Variants in CAMTA1 observed in about 807,000 individuals in gnomAD.
The protein encoded by CAMTA1 is calmodulin binding transcription activator 1, also known as calmodulin-binding transcription activator 1.
In CAMTA1, 27 loss-of-function variants were observed where a neutral mutation model predicts 170.9. That is an observed-to-expected ratio of 0.16 (90% CI 0.12 to 0.22). The LOEUF (loss-of-function observed/expected upper bound fraction) is 0.22, where lower values mean the gene tolerates loss of function less well. Ranked by LOEUF, CAMTA1 falls within the 10% of genes least tolerant of loss-of-function variation. CAMTA1 has a pLI of 1.00. For missense variants in CAMTA1, 1,619 were observed against 2,217.2 expected (o/e 0.73, Z 5.42); for synonymous variants, 833 against 891.5 (o/e 0.93, Z 1.17).
intron 11 of CAMTA1, among the ~76,000 whole-genome samples, chr1:7,706,665 G>A (rs1348229752): frequency 6.6e-6 from 1 of 152,200 alleles, no homozygotes. Flanking sequence ...TTTACTTACA[G>A]CGTATGCATT....
At chr1:6,954,010 G>C (rs1689002825) in intron 3 of CAMTA1, among the ~76,000 whole-genome samples, 1 of 152,168 alleles carries the variant, frequency 6.6e-6, no homozygotes, top group Admixed American at 6.5e-5. Flanking sequence ...GGGGAGGGAC[G>C]CTCAGGCCCC....
chr1:7,048,863 T>C (rs892007984), intron 3 of CAMTA1, among the ~76,000 whole-genome samples: 2 of 152,172 alleles, frequency 1.3e-5, no homozygotes, highest in African/African-American at 4.8e-5. Context: ...CTTCCCCAAG[T>C]GCATCTGAGA....
At chr1:6,841,622 A>T (rs1300119727) in intron 3 of CAMTA1, among the ~76,000 whole-genome samples, 1 of 152,082 alleles carries the variant, frequency 6.6e-6, no homozygotes, top group Non-Finnish European at 1.5e-5. Flanking sequence ...ATTACAAAGG[A>T]AAAGCACAGA....
At chr1:7,564,868 C>A (rs2095018263) in intron 6 of CAMTA1, among the ~76,000 whole-genome samples, 2 of 150,874 alleles carry the variant, frequency 1.3e-5, no homozygotes, top group Non-Finnish European at 3.0e-5. Context: ...AACAAAGAGA[C>A]AATGAACAAA....
intron 5 of CAMTA1, among the ~76,000 whole-genome samples, chr1:7,420,335 G>C (rs1246025606): frequency 6.6e-6 from 1 of 152,092 alleles, no homozygotes; most frequent in East Asian, 1.9e-4. Context: ...TCCTTGCTCT[G>C]TCTTGTTTTT....
chr1:7,430,617 T>G (rs1021960374), intron 5 of CAMTA1, among the ~76,000 whole-genome samples: 3 of 152,152 alleles, frequency 2.0e-5, no homozygotes, highest in African/African-American at 7.2e-5. Flanking sequence ...TTTCTACCAT[T>G]TTGAGGCTCC....
intron 6 of CAMTA1, among the ~76,000 whole-genome samples, chr1:7,568,019 T>A (rs552998272): frequency 6.6e-6 from 1 of 152,300 alleles, no homozygotes; most frequent in East Asian, 1.9e-4. Flanking sequence ...CATAGAATAT[T>A]GCCTGACAGA....
chr1:7,742,554 G>A (rs781088496), intron 16 of CAMTA1, among the ~76,000 whole-genome samples: 2 of 152,094 alleles, frequency 1.3e-5, no homozygotes, highest in African/African-American at 4.8e-5. Flanking sequence ...TTTAAAGGCC[G>A]TCTTCTCTGA....
chr1:6,897,859 C>G (rs1340134092), intron 3 of CAMTA1, among the ~76,000 whole-genome samples: 2 of 152,150 alleles, frequency 1.3e-5, no homozygotes, highest in Non-Finnish European at 2.9e-5. Flanking sequence ...TTTTTCCCAG[C>G]CTTAAGAGCC....
intron 3 of CAMTA1, among the ~76,000 whole-genome samples, chr1:6,946,224 A>G (rs1285434635): frequency 6.0e-5 from 9 of 150,198 alleles, no homozygotes. Flanking sequence ...ACAAGGTCTC[A>G]ATCTGTCACC....
At chr1:7,699,347 C>T (rs951595589) in intron 11 of CAMTA1, among the ~76,000 whole-genome samples, 2 of 152,142 alleles carry the variant, frequency 1.3e-5, no homozygotes, top group African/African-American at 2.4e-5. Context: ...CATAAACTTT[C>T]CTAATCTGGA....
intron 5 of CAMTA1, among the ~76,000 whole-genome samples, chr1:7,465,026 A>T (rs1438342160): frequency 6.6e-6 from 1 of 152,148 alleles, no homozygotes; most frequent in East Asian, 1.9e-4. Flanking sequence ...CTTGAAACTG[A>T]AGCTCAACCC....
chr1:7,378,160 T>C (rs553797263), intron 5 of CAMTA1, among the ~76,000 whole-genome samples: 29 of 152,204 alleles, frequency 1.9e-4, no homozygotes, highest in Non-Finnish European at 4.0e-4. Flanking sequence ...TTCTCCCAAT[T>C]GTAGTGAGCT....
At position 6,903,732 on chromosome 1, in the gene CAMTA1, T is replaced by G. The variant is rs372587040; in HGVS notation, c.234+78522T>G. ...AGTGTTACGAAGAAGTTGAAGACTTTCCATATGCCTAATCTTAAGGGGCAA... is the reference window on the plus strand; with the variant it reads ...AGTGTTACGAAGAAGTTGAAGACTTGCCATATGCCTAATCTTAAGGGGCAA... On this transcript the variant is annotated intron_variant, in intron 3 of 22. Coordinates refer to ENST00000303635, the MANE Select transcript of CAMTA1 (RefSeq NM_015215.4). Among the ~76,000 whole-genome samples, 13 of 152,308 alleles carry G rather than the reference T, an allele frequency of 8.5e-5. No homozygotes were observed. The East Asian group carries it at 9.6e-4, about 11-fold the overall frequency.
At chr1:7,490,707 G>A (rs971381199) in intron 6 of CAMTA1, among the ~76,000 whole-genome samples, 2 of 151,922 alleles carry the variant, frequency 1.3e-5, no homozygotes, top group Non-Finnish European at 2.9e-5. Flanking sequence ...AGTGTGACCT[G>A]AGGCCTTGGC....
chr1:6,904,089 G>A (rs368518505), intron 3 of CAMTA1, among the ~76,000 whole-genome samples: 8 of 152,148 alleles, frequency 5.3e-5, no homozygotes, highest in Middle Eastern at 3.4e-3. Context: ...GTTTCTCCTG[G>A]CCCTTCCCTG....
At chr1:7,624,370 G>A (rs1300257412) in intron 6 of CAMTA1, among the ~76,000 whole-genome samples, 1 of 152,090 alleles carries the variant, frequency 6.6e-6, no homozygotes, top group East Asian at 1.9e-4. Context: ...GGCCAAGATG[G>A]GGAGTAGGGA....
intron 3 of CAMTA1, among the ~76,000 whole-genome samples, chr1:7,022,711 C>G (rs1221809708): frequency 6.6e-6 from 1 of 152,090 alleles, no homozygotes; most frequent in East Asian, 1.9e-4. Context: ...TTAACGTGTT[C>G]TTGGAGAATA....
At chr1:7,253,239 G>A (rs1666886192) in intron 5 of CAMTA1, among the ~76,000 whole-genome samples, 2 of 152,190 alleles carry the variant, frequency 1.3e-5, no homozygotes, top group Non-Finnish European at 2.9e-5. Flanking sequence ...CTCTCAGAGA[G>A]CGAAGAGCTG....
Sources: allele counts gnomAD v4.1 joint callset (sites outside exome capture counted in the v4.1 genomes callset), GRCh38; gene constraint gnomAD v4.1.1; transcripts MANE v1.5; gene names NCBI Gene and HGNC (gene_info 2026-07-23, HGNC 2026-07-21).